PDE4C: variants seen among roughly 807,000 people sequenced by gnomAD.
PDE4C encodes the protein phosphodiesterase 4C.
PDE4C carries 50 observed loss-of-function variants against 63.9 expected under a neutral mutation model. The ratio of observed to expected loss-of-function variants is 0.78; its 90% CI spans 0.62 to 0.99. The LOEUF (loss-of-function observed/expected upper bound fraction) is 0.99, where lower values mean the gene tolerates loss of function less well. Among genes scored for constraint, PDE4C ranks in the 50% least tolerant of loss-of-function variants. The probability of loss-of-function intolerance (pLI) is 0.00; values close to 1 mark genes in which losing one functional copy is unlikely to be tolerated. For missense variants in PDE4C, 777 were observed against 899.1 expected (o/e 0.86, Z 1.74); for synonymous variants, 377 against 385.1 (o/e 0.98, Z 0.25).
intron 11 of PDE4C, 28 bp downstream of exon 11, chr19:18,218,118 TCTC>T (rs753298575): frequency 1.4e-5 from 21 of 1,535,416 alleles, no homozygotes; most frequent in Non-Finnish European, 1.7e-5. Context: ...GTCCACCTCT[TCTC>T]CTGCACCCAC....
chr19:18,245,133 C>G (rs1410840693), intron 1 of PDE4C, among the ~76,000 whole-genome samples: 1 of 150,136 alleles, frequency 6.7e-6, no homozygotes, highest in Non-Finnish European at 1.5e-5. Flanking sequence ...CTGTGCCTAG[C>G]CTGTTGTTGG....
chr19:18,240,565 A>C (rs533119011), intron 1 of PDE4C, among the ~76,000 whole-genome samples: 3 of 152,172 alleles, frequency 2.0e-5, no homozygotes, highest in African/African-American at 7.2e-5. Flanking sequence ...ATCTGTACTG[A>C]AAATACAAAA....
At chr19:18,240,904 A>ACT (rs537184339) in intron 1 of PDE4C, among the ~76,000 whole-genome samples, 69 of 152,014 alleles carry the variant, frequency 4.5e-4, no homozygotes, top group African/African-American at 1.6e-3. Flanking sequence ...GGGCCCTCTG[A>ACT]CTCGTGTTGT....
intron 4 of PDE4C, 78 bp from the exon 5 acceptor site, chr19:18,221,001 A>G (rs536734097): frequency 1.3e-6 from 2 of 1,527,486 alleles, no homozygotes; most frequent in South Asian, 2.4e-5. Context: ...CCGCCCCTCA[A>G]ACCCACCTGG....
At chr19:18,240,726 CA>C (rs199745905) in intron 1 of PDE4C, among the ~76,000 whole-genome samples, 8 of 150,418 alleles carry the variant, frequency 5.3e-5, no homozygotes, top group East Asian at 3.9e-4. Flanking sequence ...GACTACGTCT[CA>C]AAAAAAAATG....
chr19:18,212,022 C>A, intron 13 of PDE4C, 81 bp from the exon 14 acceptor site: 1 of 1,384,446 alleles, frequency 7.2e-7, no homozygotes, highest in Admixed American at 1.8e-5. Flanking sequence ...AGGCTTGGTG[C>A]CATGGACACA....
intron 11 of PDE4C, 40 bp from the exon 12 acceptor site, chr19:18,216,935 C>T (rs1175252343): frequency 1.3e-6 from 2 of 1,557,434 alleles, no homozygotes; most frequent in Middle Eastern, 1.7e-4. Flanking sequence ...GATCCACCCG[C>T]CCCACCCACT....
intron 1 of PDE4C, among the ~76,000 whole-genome samples, chr19:18,245,418 G>C (rs1215850585): frequency 1.3e-5 from 2 of 152,276 alleles, no homozygotes; most frequent in East Asian, 3.9e-4. Flanking sequence ...ACCTGCCTCA[G>C]CCTCCCAAAG....
exon 3 of PDE4C, chr19:18,221,289 T>C: frequency 6.5e-7 from 1 of 1,541,446 alleles, no homozygotes. Flanking sequence ...AATCATGTCC[T>C]CTCCATGTCT....
At chr19:18,250,243 C>T, upstream of PDE4C, 1 of 399,010 alleles carries the variant, frequency 2.5e-6, no homozygotes, top group South Asian at 1.3e-4. Context: ...GTTGGCCCTG[C>T]TTGGGATAGC....
In PDE4C at chr19:18,232,307, G is replaced by T. The variant is rs567216917; in HGVS notation, c.242+643C>A. ...GAGCCTGGGAGGCAGAGGATGCAGT[G>T]AGCCATGATCGAGACACTGCACTTG... On this transcript the variant is annotated intron_variant, in intron 1 of 14. Transcript: ENST00000594465. Among the ~76,000 whole-genome samples the T allele has an allele frequency of 1.7e-3, 266 of 152,126 alleles. 2 individuals are homozygous for T. Among genetic ancestry groups the T allele is most frequent in the African/African-American group, 6.1e-3 (253 of 41,486 alleles).
chr19:18,236,020 G>A (rs562195785), upstream of PDE4C, among the ~76,000 whole-genome samples: 2 of 151,998 alleles, frequency 1.3e-5, no homozygotes, highest in South Asian at 4.1e-4. Flanking sequence ...TCAGCTCACT[G>A]CAAGCTCTGC....
chr19:18,216,741 C>A, exon 12 of PDE4C: 1 of 1,604,112 alleles, frequency 6.2e-7, no homozygotes, highest in Non-Finnish European at 8.5e-7. Flanking sequence ...CTGGCCTCAC[C>A]ATGTCAATGA....
intron 1 of PDE4C, among the ~76,000 whole-genome samples, chr19:18,247,876 A>G (rs1462758409): frequency 6.6e-6 from 1 of 152,134 alleles, no homozygotes; most frequent in Non-Finnish European, 1.5e-5. Context: ...CATGGACCAC[A>G]CCACAGGCAC....
upstream of PDE4C, chr19:18,226,476 TG>T: frequency 7.7e-7 from 1 of 1,302,688 alleles, no homozygotes; most frequent in Non-Finnish European, 9.7e-7. Flanking sequence ...TCTGGACAGC[TG>T]CGGGGGCGGG....
intron 1 of PDE4C, among the ~76,000 whole-genome samples, chr19:18,246,765 A>C (rs1202777303): frequency 6.6e-6 from 1 of 152,096 alleles, no homozygotes; most frequent in Admixed American, 6.5e-5. Context: ...CGTCTCTACT[A>C]AAAATACAAA....
chr19:18,225,349 A>T (rs7251909), intron 1 of PDE4C, among the ~76,000 whole-genome samples: 162 of 152,294 alleles, frequency 1.1e-3, no homozygotes, highest in African/African-American at 3.7e-3. Context: ...TCAAAAGGGA[A>T]TGTGCTTCGC....
intron 1 of PDE4C, among the ~76,000 whole-genome samples, chr19:18,241,058 C>A (rs1311870848): frequency 6.6e-6 from 1 of 151,906 alleles, no homozygotes; most frequent in Non-Finnish European, 1.5e-5. Context: ...TTCCCAGGGG[C>A]ACCTGAAATT....
chr19:18,216,729 C>T lies in PDE4C; in HGVS notation c.1389+12G>A, dbSNP rs368054564. 1.3e-6 allele frequency: 2 copies of T among 1,594,686 alleles called. No homozygotes were observed. The highest frequency in any genetic ancestry group is 1.7e-6 in the Non-Finnish European group (2 of 1,168,172). The stretch of plus-strand genomic sequence containing the variant: ...TCTGCCCCTCCCGCCCCGCTTACTG[C>T]CCTGGCCTCACCATGTCAATGACCA... On this transcript the variant is annotated intron_variant, in intron 12 of 14. Transcript: ENST00000262805.
Sources: gnomAD v4.1 joint callset for allele counts (sites outside exome capture counted in the v4.1 genomes callset) on GRCh38, gnomAD v4.1.1 for gene constraint, MANE v1.5 for transcripts, NCBI Gene and HGNC (gene_info 2026-07-23, HGNC 2026-07-21) for gene names.